Variants in ANK2 observed in about 807,000 individuals in gnomAD.
ANK2 encodes the protein ankyrin-2.
In ANK2, 83 loss-of-function variants were observed where a neutral mutation model predicts 360.5. That is an observed-to-expected ratio of 0.23 (90% CI 0.19 to 0.28). The LOEUF is 0.28. ANK2 is among the 10% of genes least tolerant of loss of function. The pLI is 1.00. For synonymous variants in ANK2, 1,740 were observed against 1,759.5 expected, an observed-to-expected ratio of 0.99 and a Z score of 0.28; for missense variants, 4,201 against 4,795.7, an observed-to-expected ratio of 0.88 and a Z score of 3.66.
intron 1 of ANK2, among the ~76,000 whole-genome samples, chr4:112,868,748 T>C (rs1184573049): frequency 6.6e-6 from 1 of 152,212 alleles, no homozygotes; most frequent in Non-Finnish European, 1.5e-5. Context: ...ATATTTACAG[T>C]GTATAATGTG....
At chr4:113,189,739 C>T (rs1326625279) in intron 2 of ANK2, among the ~76,000 whole-genome samples, 2 of 152,130 alleles carry the variant, frequency 1.3e-5, no homozygotes, top group Non-Finnish European at 1.5e-5. Context: ...TTCTCAATTC[C>T]GATGTCACCG....
intron 2 of ANK2, among the ~76,000 whole-genome samples, chr4:113,178,454 T>C (rs1401394231): frequency 6.6e-6 from 1 of 150,970 alleles, no homozygotes; most frequent in Non-Finnish European, 1.5e-5. Context: ...CGCCTGTAAT[T>C]CCAGCTACTT....
At chr4:113,135,412 A>G (rs1010778742) in intron 1 of ANK2, among the ~76,000 whole-genome samples, 11 of 152,012 alleles carry the variant, frequency 7.2e-5, no homozygotes, top group African/African-American at 2.4e-4. Flanking sequence ...CAATAATGAA[A>G]GAATGCAGAG....
chr4:112,938,621 CAA>C (rs1219024759), intron 2 of ANK2, among the ~76,000 whole-genome samples: 1 of 152,164 alleles, frequency 6.6e-6, no homozygotes, highest in African/African-American at 2.4e-5. Context: ...CCAGTGGAGG[CAA>C]GCTAAGTAAA....
chr4:113,308,773 GA>G (rs983596743), intron 23 of ANK2, among the ~76,000 whole-genome samples: 1 of 152,192 alleles, frequency 6.6e-6, no homozygotes, highest in African/African-American at 2.4e-5. Context: ...AGAGATGGCA[GA>G]AATATGGATG....
the ANK2 span, among the ~76,000 whole-genome samples, chr4:112,711,589 T>C: frequency 7.9e-5 from 12 of 151,838 alleles, no homozygotes; most frequent in Middle Eastern, 3.4e-3. Context: ...GGCCAAGGTG[T>C]GTGGATCACC....
rs546799980 is a variant in ANK2 at position 113,137,631 on chromosome 4, T to C, written c.85-36785T>C. Among the ~76,000 whole-genome samples the C allele has an allele frequency of 2.6e-5, 4 of 152,366 alleles. No homozygotes were observed. In the South Asian group the frequency reaches 8.3e-4, roughly 32 times the overall value. On this transcript the variant is annotated intron_variant, in intron 1 of 45. Coordinates refer to ENST00000357077, the MANE Select transcript of ANK2 (RefSeq NM_001148.6). ...ATTTTAAATCATATTTATATTCCTT[T>C]CTTCTTCCTCTTTCCTTCTTCCTTC...
intron 1 of ANK2, among the ~76,000 whole-genome samples, chr4:113,104,517 C>G (rs1333693308): frequency 6.6e-6 from 1 of 152,114 alleles, no homozygotes; most frequent in Non-Finnish European, 1.5e-5. Context: ...AGTTTGAGAC[C>G]AGCCTGGCCA....
chr4:113,124,698 C>T (rs1221806092), intron 1 of ANK2, among the ~76,000 whole-genome samples: 1 of 152,166 alleles, frequency 6.6e-6, no homozygotes, highest in Non-Finnish European at 1.5e-5. Flanking sequence ...CCAGGGAAAA[C>T]TCTTTTTTCT....
chr4:113,172,159 G>C lies in ANK2; in HGVS notation c.85-2257G>C, dbSNP rs910608573. Among the ~76,000 whole-genome samples the C allele has an allele frequency of 6.6e-5, 10 of 152,248 alleles. 1 individual carries two copies. In the South Asian group the frequency reaches 1.9e-3, roughly 28 times the overall value. ...TCTCAGATTGGCTCTTAATTTTCTA[G>C]GTGCATATAGAGGGGTGATAGTTGT... On this transcript the variant is annotated intron_variant, in intron 1 of 45. Coordinates refer to ENST00000357077, the MANE Select transcript of ANK2 (RefSeq NM_001148.6).
chr4:113,194,941 C>A (rs1314616697), intron 2 of ANK2, among the ~76,000 whole-genome samples: 1 of 152,084 alleles, frequency 6.6e-6, no homozygotes, highest in Non-Finnish European at 1.5e-5. Context: ...TAACCTGACA[C>A]AGTGAAACTA....
At chr4:112,868,375 A>G (rs1195477925) in intron 1 of ANK2, among the ~76,000 whole-genome samples, 1 of 152,254 alleles carries the variant, frequency 6.6e-6, no homozygotes, top group Admixed American at 6.5e-5. Context: ...TTATGGTGGA[A>G]GGTGGAAGGG....
At chr4:112,946,875 C>T (rs2094574591) in intron 2 of ANK2, among the ~76,000 whole-genome samples, 1 of 152,162 alleles carries the variant, frequency 6.6e-6, no homozygotes, top group Non-Finnish European at 1.5e-5. Flanking sequence ...CATGTGCTTT[C>T]TTTTAAAATG....
intron 5 of ANK2, among the ~76,000 whole-genome samples, chr4:113,235,001 C>G (rs972251001): frequency 1.3e-5 from 2 of 152,122 alleles, no homozygotes; most frequent in African/African-American, 4.8e-5. Flanking sequence ...AGGGAGTTCT[C>G]AGTCTCTCCA....
At chr4:113,017,963 G>A (rs1483708448) in intron 2 of ANK2, among the ~76,000 whole-genome samples, 1 of 152,180 alleles carries the variant, frequency 6.6e-6, no homozygotes, top group African/African-American at 2.4e-5. Flanking sequence ...GAAGACTGCT[G>A]AAGAACTCCT....
the ANK2 span, among the ~76,000 whole-genome samples, chr4:112,774,844 A>C: frequency 6.6e-6 from 1 of 152,244 alleles, no homozygotes; most frequent in African/African-American, 2.4e-5. Flanking sequence ...GTTTATAGAC[A>C]ATGGGAAATT....
intron 2 of ANK2, among the ~76,000 whole-genome samples, chr4:113,017,190 T>A (rs1296174208): frequency 6.6e-6 from 1 of 152,334 alleles, no homozygotes; most frequent in East Asian, 1.9e-4. Context: ...TATCTTTGTG[T>A]TTTATAGAGT....
chr4:112,788,493 T>C, the ANK2 span: 6 of 1,586,110 alleles, frequency 3.8e-6, no homozygotes, highest in Non-Finnish European at 5.2e-6. Context: ...GGTGGTCTCT[T>C]GGTGGGGACG....
At chr4:112,724,236 T>G in the ANK2 span, among the ~76,000 whole-genome samples, 1 of 151,952 alleles carries the variant, frequency 6.6e-6, no homozygotes, top group South Asian at 2.1e-4. Context: ...GGTTAATTTT[T>G]GTATTTTTTG....
Sources: gnomAD v4.1 joint callset for allele counts (sites outside exome capture counted in the v4.1 genomes callset) on GRCh38, gnomAD v4.1.1 for gene constraint, MANE v1.5 for transcripts, NCBI Gene and HGNC (gene_info 2026-07-23, HGNC 2026-07-21) for gene names.